The following RGS12 variants were observed in gnomAD, a reference collection of about 807,000 sequenced individuals.
RGS12 encodes regulator of G-protein signaling 12.
RGS12 carries 66 observed loss-of-function variants against 120.1 expected under a neutral mutation model. The ratio of observed to expected loss-of-function variants is 0.55; its 90% confidence interval spans 0.45 to 0.67. RGS12 has a LOEUF of 0.67. Ranked by LOEUF, RGS12 falls within the 30% of genes least tolerant of loss-of-function variation. RGS12 has a pLI of 0.00. For missense variants in RGS12, 1,859 were observed against 1,957.7 expected (o/e 0.95, Z 0.95); for synonymous variants, 827 against 804.7 (o/e 1.03, Z -0.47).
chr4:3,320,440 T>A (rs1223116845), intron 2 of RGS12, among the ~76,000 whole-genome samples: 1 of 152,058 alleles, frequency 6.6e-6, no homozygotes, highest in East Asian at 1.9e-4. Context: ...CTTTGCAGAG[T>A]GCATCCTTAC....
At chr4:3,391,188 C>G (rs982789196) in intron 4 of RGS12, among the ~76,000 whole-genome samples, 4 of 152,156 alleles carry the variant, frequency 2.6e-5, no homozygotes, top group Admixed American at 1.3e-4. Context: ...CAAAATGATG[C>G]TCAGAATCAC....
Position 3,390,868 on chromosome 4 carries a change from C to T in RGS12, c.2020+4431C>T, listed in dbSNP as rs1246675039. On this transcript the variant is annotated intron_variant, in intron 4 of 17. Coordinates refer to ENST00000336727, the MANE Select transcript of RGS12 (RefSeq NM_001394154.1). This position sits in a 1 kb window ranked among gnomAD's most constrained non-coding sequence, Gnocchi z 4.6. Reference sequence around the variant, plus strand: ...ACTTGGGGGACTTTAAACTGCATTCCTCTTTAAAATATAAAGTATAATTGT... The same window carrying T: ...ACTTGGGGGACTTTAAACTGCATTCTTCTTTAAAATATAAAGTATAATTGT... 6.6e-6 allele frequency among the ~76,000 whole-genome samples: 1 copy of T among 152,212 alleles called. No homozygotes were observed. Among genetic ancestry groups the T allele is most frequent in the Non-Finnish European group, 1.5e-5 (1 of 68,050 alleles).
At chr4:3,416,182 A>T in intron 7 of RGS12, 61 bp downstream of exon 7, 1 of 1,578,904 alleles carries the variant, frequency 6.3e-7, no homozygotes, top group Non-Finnish European at 8.6e-7. Context: ...TATAGGGTCC[A>T]CCTTCAAAGA....
chr4:3,349,449 A>T (rs1188468849), intron 3 of RGS12, among the ~76,000 whole-genome samples: 1 of 152,098 alleles, frequency 6.6e-6, no homozygotes, highest in East Asian at 1.9e-4. Context: ...CTTTCTTCAC[A>T]TCTCTCGCTC....
intron 4 of RGS12, among the ~76,000 whole-genome samples, chr4:3,401,591 T>A (rs1262600464): frequency 6.6e-6 from 1 of 152,222 alleles, no homozygotes; most frequent in Non-Finnish European, 1.5e-5. Context: ...TTTACTGCGG[T>A]TTTACAGCGG....
At chr4:3,340,745 A>AGCAGGCAGGT (rs1356448919) in intron 2 of RGS12, among the ~76,000 whole-genome samples, 21 of 101,016 alleles carry the variant, frequency 2.1e-4, no homozygotes, top group South Asian at 1.1e-3. Flanking sequence ...CCATGGGAGC[A>AGCAGGCAGGT]GCAGGCAGGT....
At chr4:3,399,977 C>G (rs1720415606) in intron 4 of RGS12, among the ~76,000 whole-genome samples, 1 of 152,236 alleles carries the variant, frequency 6.6e-6, no homozygotes. Flanking sequence ...GGTCATGGCT[C>G]TCAGCCATAC....
rs946675241 is a variant in RGS12, at chr4:3,389,509, C to T, written c.2020+3072C>T. 6.6e-6 allele frequency among the ~76,000 whole-genome samples: 1 copy of T among 152,184 alleles called. No individual in the cohort carries two copies. The highest frequency in any genetic ancestry group is 2.4e-5 in the African/African-American group (1 of 41,428). ...GCTCCTGGAAAAAGGAACCTCTCAC[C>T]TCTCCTGGTCTGGCTCTGCACAGAG... On this transcript the variant is annotated intron_variant, in intron 4 of 17. Coordinates refer to ENST00000336727, the MANE Select transcript of RGS12 (RefSeq NM_001394154.1). This position sits in a 1 kb window ranked among gnomAD's most constrained non-coding sequence, Gnocchi z 5.2.
intron 4 of RGS12, among the ~76,000 whole-genome samples, chr4:3,406,151 C>T (rs6446736): frequency 0.05 from 7,685 of 152,226 alleles, 617 homozygotes; most frequent in African/African-American, 0.17. Flanking sequence ...CTGAGGCCCA[C>T]GGGACTGTGG....
At chr4:3,363,933 C>A (rs74777291) in intron 3 of RGS12, among the ~76,000 whole-genome samples, 13 of 152,096 alleles carry the variant, frequency 8.5e-5, no homozygotes, top group Admixed American at 6.5e-5. Flanking sequence ...GGGGAGGGCA[C>A]AGGCCCCCCA....
At chr4:3,382,449 G>A (rs1454321110) in intron 3 of RGS12, among the ~76,000 whole-genome samples, 1 of 152,188 alleles carries the variant, frequency 6.6e-6, no homozygotes, top group Admixed American at 6.5e-5. Flanking sequence ...ACTGGATGCT[G>A]TGCTGAGCCA....
upstream of RGS12, among the ~76,000 whole-genome samples, chr4:3,288,205 G>A (rs1274920334): frequency 6.6e-6 from 1 of 152,160 alleles, no homozygotes; most frequent in Non-Finnish European, 1.5e-5. This position sits in a 1 kb window ranked among gnomAD's most constrained non-coding sequence, Gnocchi z 5.2. Flanking sequence ...CGGGTGTGTG[G>A]GGTCTGGTGG....
Position 3,430,840 on chromosome 4 carries a change from G to A in RGS12, c.3999G>A (p.Glu1333=), listed in dbSNP as rs1355221290. 1.2e-6 allele frequency: 2 copies of A among 1,611,992 alleles called. No homozygotes were observed. Among genetic ancestry groups the A allele is most frequent in the Admixed American group, 3.3e-5 (2 of 59,880 alleles). The part of the protein sequence containing the change: ...EVEAGGIQTV[E]DEHVAELTLM... The stretch of plus-strand genomic sequence containing the variant: ...AGGCCGGGGGCATCCAGACGGTGGA[G>A]GATGAGCACGTGGCCGAGCTGACCC... The change falls in exon 17 of 18, where the codon GAG becomes GAA. Residue 1333 remains glutamate (E), a synonymous_variant. Transcript: ENST00000336727.
At chr4:3,388,824 G>C (rs1412746703) in intron 4 of RGS12, among the ~76,000 whole-genome samples, 2 of 152,238 alleles carry the variant, frequency 1.3e-5, no homozygotes, top group Non-Finnish European at 2.9e-5. Flanking sequence ...TTTATAGGCT[G>C]TGGTCAGTGG....
chr4:3,417,278 A>G (rs1382963939), intron 8 of RGS12, 110 bp from the exon 9 acceptor site: 3 of 1,339,604 alleles, frequency 2.2e-6, no homozygotes, highest in Non-Finnish European at 2.0e-6. Flanking sequence ...TAGAAGTGAT[A>G]CCATCCCATA....
chr4:3,328,933 G>T (rs564046474), intron 2 of RGS12, among the ~76,000 whole-genome samples: 6 of 152,308 alleles, frequency 3.9e-5, no homozygotes, highest in South Asian at 4.1e-4. Flanking sequence ...TACCTGGCCT[G>T]ACTTTTCCTC....
chr4:3,330,318 C>T (rs1711694122), intron 2 of RGS12, among the ~76,000 whole-genome samples: 1 of 152,202 alleles, frequency 6.6e-6, no homozygotes, highest in African/African-American at 2.4e-5. Context: ...CTCCTGCTAG[C>T]AAATATCCTT....
chr4:3,363,507 G>A (rs866732889), intron 3 of RGS12, among the ~76,000 whole-genome samples: 1 of 152,024 alleles, frequency 6.6e-6, no homozygotes, highest in Non-Finnish European at 1.5e-5. Context: ...GCTTGTTGGC[G>A]GTGGGGAGAA....
chr4:3,383,976 G>A (rs993300708), intron 3 of RGS12, among the ~76,000 whole-genome samples: 2 of 152,182 alleles, frequency 1.3e-5, no homozygotes, highest in Admixed American at 6.5e-5. Flanking sequence ...TGTTCGGCCT[G>A]CCAGATTCTG....
Sources: gnomAD v4.1 joint callset for allele counts (sites outside exome capture counted in the v4.1 genomes callset) on GRCh38, gnomAD v4.1.1 for gene constraint, Gnocchi (gnomAD v3.1) non-coding constraint, MANE v1.5 for transcripts, NCBI Gene and HGNC (gene_info 2026-07-23, HGNC 2026-07-21) for gene names.